The following SHTN1 variants were observed in gnomAD, a reference collection of about 807,000 sequenced individuals.
SHTN1 encodes shootin 1, also known as shootin-1.
Under a neutral mutation model 83.1 loss-of-function variants are expected in SHTN1, and 42 were observed. The ratio of observed to expected loss-of-function variants is 0.51; its 90% CI spans 0.39 to 0.65. The LOEUF is 0.65. Among genes scored for constraint, SHTN1 ranks in the 30% least tolerant of loss-of-function variants. The pLI is 0.00. For missense variants in SHTN1, 622 were observed against 737.8 expected (o/e 0.84, Z 1.82); for synonymous variants, 224 against 247.7 (o/e 0.90, Z 0.90).
At chr10:117,060,502 T>C (rs1162762204) in intron 1 of SHTN1, among the ~76,000 whole-genome samples, 6 of 152,202 alleles carry the variant, frequency 3.9e-5, no homozygotes, top group South Asian at 2.1e-4. Flanking sequence ...TCTTCATTCA[T>C]GGCAAGGCAT....
Position 116,929,985 on chromosome 10 carries a change from C to T in SHTN1, c.876G>A (p.Glu292=), listed in dbSNP as rs770548609. ...TGTGGAGTGTTTCATTTTCTAGTTG[C>T]TCTTCTAATTCTTTGACCTATAAGT... ...QHQQKVKELE[E]QLENETLHKE... is the part of the protein sequence containing the mutation. The change falls in exon 10 of 17, where the codon GAG becomes GAA. Residue 292 remains glutamate, a synonymous_variant. Transcript: ENST00000355371. 5.0e-6 allele frequency: 8 copies of T among 1,587,036 alleles called. No homozygotes were observed. The highest frequency in any genetic ancestry group is 2.7e-5 in the African/African-American group (2 of 73,428).
intron 4 of SHTN1, among the ~76,000 whole-genome samples, chr10:116,958,317 T>C (rs926930088): frequency 2.0e-5 from 3 of 152,194 alleles, no homozygotes; most frequent in African/African-American, 4.8e-5. Flanking sequence ...AGCACATTTA[T>C]AGTATTTGAT....
At chr10:117,047,326 A>G (rs1193055584) in intron 2 of SHTN1, among the ~76,000 whole-genome samples, 6 of 152,030 alleles carry the variant, frequency 3.9e-5, no homozygotes. Flanking sequence ...CAGCCTCCCA[A>G]AGTGCTGGGA....
intron 1 of SHTN1, among the ~76,000 whole-genome samples, chr10:117,001,890 A>T (rs1295949387): frequency 2.1e-4 from 32 of 152,184 alleles, no homozygotes; most frequent in Non-Finnish European, 1.5e-5. Flanking sequence ...TTTAAAAAAA[A>T]ATCACTAAGG....
intron 12 of SHTN1, among the ~76,000 whole-genome samples, chr10:116,917,590 G>A (rs967549098): frequency 5.3e-5 from 8 of 152,096 alleles, no homozygotes; most frequent in Admixed American, 3.9e-4. Flanking sequence ...TAGGAACACC[G>A]CCTACAAACA....
intron 8 of SHTN1, among the ~76,000 whole-genome samples, chr10:116,942,899 TG>T (rs1207121911): frequency 5.9e-5 from 9 of 152,210 alleles, no homozygotes; most frequent in African/African-American, 2.2e-4. Context: ...TGCAAAAGAA[TG>T]GGACTCTGTT....
intron 9 of SHTN1, among the ~76,000 whole-genome samples, chr10:116,935,150 C>A (rs1328779056): frequency 6.6e-6 from 1 of 152,140 alleles, no homozygotes; most frequent in Admixed American, 6.5e-5. Context: ...TGTGAATACC[C>A]TTTATTTCTT....
At chr10:117,038,509 A>T (rs1184238833) in intron 2 of SHTN1, among the ~76,000 whole-genome samples, 2 of 25,584 alleles carry the variant, frequency 7.8e-5, no homozygotes, top group African/African-American at 1.0e-4. Flanking sequence ...GGACTGCATT[A>T]AAAAAAAAAT....
At chr10:117,067,602 A>AT (rs879306194) in intron 1 of SHTN1, among the ~76,000 whole-genome samples, 8 of 152,262 alleles carry the variant, frequency 5.3e-5, no homozygotes, top group Non-Finnish European at 7.4e-5. Flanking sequence ...CTAAAAAAAA[A>AT]TTTTTAAATA....
intron 1 of SHTN1, among the ~76,000 whole-genome samples, chr10:117,088,992 G>C (rs1471825060): frequency 3.3e-5 from 5 of 152,116 alleles, no homozygotes; most frequent in African/African-American, 4.8e-5. Context: ...CATTATTATT[G>C]AGTGCTGGTG....
At chr10:117,103,687 C>A (rs1853632925) in intron 1 of SHTN1, among the ~76,000 whole-genome samples, 1 of 151,718 alleles carries the variant, frequency 6.6e-6, no homozygotes, top group South Asian at 2.1e-4. Context: ...CAGGTGCCCA[C>A]CACCACGCCC....
chr10:117,038,777 A>C, intron 2 of SHTN1, among the ~76,000 whole-genome samples: 1 of 152,234 alleles, frequency 6.6e-6, no homozygotes, highest in Non-Finnish European at 1.5e-5. Context: ...CAAATTTAAA[A>C]AACGACAACG....
At chr10:116,991,879 C>T (rs968064132) in intron 1 of SHTN1, among the ~76,000 whole-genome samples, 4 of 152,152 alleles carry the variant, frequency 2.6e-5, no homozygotes, top group Non-Finnish European at 4.4e-5. Context: ...CTATGGCTCA[C>T]GTCTGTAATC....
intron 16 of SHTN1, among the ~76,000 whole-genome samples, chr10:116,887,114 G>A (rs147090502): frequency 6.6e-6 from 1 of 152,172 alleles, no homozygotes; most frequent in Non-Finnish European, 1.5e-5. Context: ...ACTTCAGGAG[G>A]GGGTGGTGGT....
chr10:117,091,277 A>C (rs929921906), intron 1 of SHTN1, among the ~76,000 whole-genome samples: 6 of 152,206 alleles, frequency 3.9e-5, no homozygotes, highest in African/African-American at 1.4e-4. Flanking sequence ...TGTATCACTT[A>C]ATCCTGAAAT....
intron 2 of SHTN1, among the ~76,000 whole-genome samples, chr10:117,027,436 C>T (rs1198704673): frequency 6.6e-6 from 1 of 152,158 alleles, no homozygotes; most frequent in Non-Finnish European, 1.5e-5. Context: ...GCTTCCTGTA[C>T]AGCATGTGGA....
chr10:117,109,547 A>G (rs1853730209), intron 1 of SHTN1, among the ~76,000 whole-genome samples: 1 of 67,094 alleles, frequency 1.5e-5, no homozygotes, highest in Non-Finnish European at 2.8e-5. Flanking sequence ...GCATTAACAT[A>G]TATTACTTTT....
In SHTN1 at chr10:116,915,534, T is replaced by C. The variant is rs113905569; in HGVS notation, c.1196-50A>G. The C allele has an allele frequency of 5.1e-4, 526 of 1,035,004 alleles. 3 individuals are homozygous for C. The highest frequency in any genetic ancestry group is 3.0e-3 in the African/African-American group (187 of 62,450). 64.1% of individuals were successfully genotyped at this position (1,035,004 alleles called of 1,614,324 possible). On this transcript the variant is annotated intron_variant, in intron 12 of 16. Coordinates refer to ENST00000355371, the MANE Select transcript of SHTN1 (RefSeq NM_001127211.3). Reference sequence around the variant, plus strand: ...TCCTCTTATGTTACAAGAAAACAGCTACTTCCTATTTTTGGTGACTTGGAA... The same window carrying C: ...TCCTCTTATGTTACAAGAAAACAGCCACTTCCTATTTTTGGTGACTTGGAA...
At chr10:117,074,787 A>C (rs1241985278) in intron 1 of SHTN1, among the ~76,000 whole-genome samples, 1 of 152,190 alleles carries the variant, frequency 6.6e-6, no homozygotes, top group Non-Finnish European at 1.5e-5. Flanking sequence ...CAGACAAAAG[A>C]AGTCCAGGGA....
Sources: allele counts gnomAD v4.1 joint callset (sites outside exome capture counted in the v4.1 genomes callset), GRCh38; gene constraint gnomAD v4.1.1; transcripts MANE v1.5; gene names NCBI Gene and HGNC (gene_info 2026-07-23, HGNC 2026-07-21).